KLB: variants seen among roughly 807,000 people sequenced by gnomAD.
The protein encoded by KLB is beta-klotho.
A neutral mutation model predicts 88.4 loss-of-function variants in KLB; 44 were observed. The observed-to-expected ratio is 0.50, with a 90% CI of 0.39 to 0.64. The LOEUF is 0.64. Among genes scored for constraint, KLB ranks in the 30% least tolerant of loss-of-function variants. KLB has a pLI of 0.00. For missense variants in KLB, 1,137 were observed against 1,304.8 expected, an observed-to-expected ratio of 0.87 and a Z score of 1.98; for synonymous variants, 548 against 513.4, an observed-to-expected ratio of 1.07 and a Z score of -0.91.
In KLB at chr4:39,447,217, G is replaced by C. The variant is rs377554151; in HGVS notation, c.2491G>C (p.Val831Leu). 1 of 1,614,054 alleles carries C rather than the reference G, an allele frequency of 6.2e-7. No individual in the cohort carries two copies. Among genetic ancestry groups the C allele is most frequent in the Admixed American group, 1.7e-5 (1 of 60,028 alleles). ...GCTCAACCACTTCACCACTAGGTTC[G>C]TGATGCACGAGCAGCTGGCCGGCAG... ...CALNHFTTRF[V>L]MHEQLAGSRY... Residue 831 changes from valine to leucine, a missense_variant, in exon 4 of 5, where the codon GTG (valine) becomes CTG (leucine). This residue lies in a region of KLB where 426 missense variants were observed against 404.6 expected (regional missense o/e 1.05). Coordinates refer to ENST00000257408, the MANE Select transcript of KLB (RefSeq NM_175737.4).
intron 1 of KLB, among the ~76,000 whole-genome samples, chr4:39,413,190 G>A (rs1431770175): frequency 1.3e-5 from 2 of 152,120 alleles, no homozygotes; most frequent in African/African-American, 4.8e-5. Context: ...TTCAATCCCA[G>A]AAATGTATTT....
Position 39,446,586 on chromosome 4 carries a change from GAGGTACTAC to G in KLB, c.1865_1873del (p.Tyr622_Arg624del). ...TGTCCGCGGTGAACCGACAGGCCCT[GAGGTACTAC>G]AGGTGCGTGGTCAGTGAGGGGCTGA... On this transcript the variant is annotated inframe_deletion, in exon 4 of 5. Coordinates refer to ENST00000257408, the MANE Select transcript of KLB (RefSeq NM_175737.4). This position sits in a 1 kb window ranked among gnomAD's most constrained non-coding sequence, Gnocchi z 6.4. The G allele has an allele frequency of 6.2e-7, 1 of 1,614,258 alleles. No individual in the cohort carries two copies. The highest frequency in any genetic ancestry group is 8.5e-7 in the Non-Finnish European group (1 of 1,180,044).
chr4:39,427,730 T>G (rs1224081881), intron 1 of KLB, among the ~76,000 whole-genome samples: 1 of 152,236 alleles, frequency 6.6e-6, no homozygotes, highest in East Asian at 1.9e-4. Context: ...TAAATTATTT[T>G]CAGCTTGCTC....
chr4:39,437,598 C>T lies in KLB; in HGVS notation c.1337-129C>T, dbSNP rs1406810848. 5 of 1,054,868 alleles carry T rather than the reference C, an allele frequency of 4.7e-6. No individual in the cohort carries two copies. In the East Asian group the frequency reaches 1.2e-4, roughly 25 times the overall value. 65.3% of individuals were successfully genotyped at this position (1,054,868 alleles called of 1,614,324 possible). A position where few individuals can be genotyped will look rare whatever the true frequency, so the allele number is the denominator to read the frequency against. Reference sequence around the variant, plus strand: ...ATAAACATGAATTTTCTATTTGATACAGCAGACCTGAAAATTAGGGCAAAG... The same window carrying T: ...ATAAACATGAATTTTCTATTTGATATAGCAGACCTGAAAATTAGGGCAAAG... On this transcript the variant is annotated intron_variant, in intron 2 of 4. Transcript: ENST00000257408.
At chr4:39,409,128 C>A (rs920091432) in intron 1 of KLB, among the ~76,000 whole-genome samples, 27 of 151,758 alleles carry the variant, frequency 1.8e-4, no homozygotes, top group African/African-American at 6.3e-4. Context: ...AGGTCATTTG[C>A]ATATCTTTGA....
At chr4:39,442,985 G>T (rs192167789) in intron 3 of KLB, among the ~76,000 whole-genome samples, 1 of 152,076 alleles carries the variant, frequency 6.6e-6, no homozygotes. Flanking sequence ...GTCATGTATT[G>T]TTAGCTTCCT....
intron 1 of KLB, among the ~76,000 whole-genome samples, chr4:39,422,432 T>C (rs1377852520): frequency 2.0e-5 from 3 of 152,128 alleles, no homozygotes; most frequent in African/African-American, 4.8e-5. Context: ...CTGATTCACC[T>C]TGTGCAAGTT....
In KLB at chr4:39,434,598, T is replaced by C. The variant is rs1743430662; in HGVS notation, c.1214T>C (p.Leu405Pro). Residue 405 changes from leucine to proline, a missense_variant, in exon 2 of 5, where the codon CTG (leucine) becomes CCG (proline). This residue lies in a region of KLB where 597 missense variants were observed against 765.2 expected (regional missense o/e 0.78). Transcript: ENST00000257408. ...AGAGAAGCGCTGAACTGGATTAAAC[T>C]GGAATACAACAACCCTCGAATCTTG... ...NLREALNWIK[L>P]EYNNPRILIA... 1.2e-6 allele frequency: 2 copies of C among 1,614,044 alleles called. No individual in the cohort carries two copies. The highest frequency in any genetic ancestry group is 1.7e-6 in the Non-Finnish European group (2 of 1,180,040).
At chr4:39,424,175 A>G (rs1226243011) in intron 1 of KLB, among the ~76,000 whole-genome samples, 3 of 151,480 alleles carry the variant, frequency 2.0e-5, no homozygotes, top group African/African-American at 7.3e-5. Flanking sequence ...GGCTCAGGTG[A>G]TCCTCCCACC....
chr4:39,448,284 TTTC>T lies in KLB; in HGVS notation c.2750-14_2750-12del, dbSNP rs754485262. The T allele has an allele frequency of 2.0e-5, 30 of 1,531,680 alleles. No homozygotes were observed. In the Admixed American group the frequency reaches 5.3e-4, roughly 27 times the overall value. 94.9% of individuals were successfully genotyped at this position (1,531,680 alleles called of 1,614,324 possible). A position where few individuals can be genotyped will look rare whatever the true frequency, so the allele number is the denominator to read the frequency against. ...ATAGTCCATTTGTGATTAATGTTAATTTCTTATCTTTTTCAGCATACCTGATTG... is the reference window on the plus strand; with the variant it reads ...ATAGTCCATTTGTGATTAATGTTAATTTATCTTTTTCAGCATACCTGATTG... On this transcript the variant is annotated splice_polypyrimidine_tract_variant and intron_variant, in intron 4 of 4. Transcript: ENST00000257408.
intron 1 of KLB, among the ~76,000 whole-genome samples, chr4:39,414,072 C>T (rs1742915660): frequency 1.3e-5 from 2 of 152,042 alleles, no homozygotes. Context: ...TGCCAAATGT[C>T]CCCAGGAAGT....
At chr4:39,416,913 T>C (rs958261005) in intron 1 of KLB, among the ~76,000 whole-genome samples, 16 of 152,170 alleles carry the variant, frequency 1.1e-4, no homozygotes, top group African/African-American at 3.9e-4. Flanking sequence ...CAGTGTTTCT[T>C]AGGCACATTT....
intron 1 of KLB, among the ~76,000 whole-genome samples, chr4:39,430,729 T>C (rs1743339626): frequency 6.7e-6 from 1 of 150,346 alleles, no homozygotes; most frequent in African/African-American, 2.5e-5. Context: ...GGCTCCTGAG[T>C]AGCTGGGACT....
At chr4:39,434,815 T>C (rs1578210510) in intron 2 of KLB, 95 bp downstream of exon 2, 3 of 1,000,710 alleles carry the variant, frequency 3.0e-6, no homozygotes, top group East Asian at 2.6e-5. Flanking sequence ...TGTTGGGCTT[T>C]TTTTTTTTTG....
chr4:39,447,590 G>A, intron 4 of KLB, 115 bp downstream of exon 4: 1 of 848,790 alleles, frequency 1.2e-6, no homozygotes, highest in Non-Finnish European at 1.7e-6. Flanking sequence ...TGGCACCCAA[G>A]TCCTGTCAAT....
In KLB at chr4:39,447,315, T is replaced by G; in HGVS notation, c.2589T>G (p.Ala863=). ...GCCTGAGCTCCCCCACGCGCCTGGC[T>G]GTGATTCCCTGGGGGGTGCGCAAGC... ...ITRLSSPTRL[A]VIPWGVRKLL... is the part of the protein sequence containing the mutation. Residue 863 remains alanine (A), a synonymous_variant, in exon 4 of 5, where the codon GCT becomes GCG. Coordinates refer to ENST00000257408, the MANE Select transcript of KLB (RefSeq NM_175737.4). 6.2e-7 allele frequency: 1 copy of G among 1,614,110 alleles called. No homozygotes were observed. Among genetic ancestry groups the G allele is most frequent in the South Asian group, 1.1e-5 (1 of 91,080 alleles).
At chr4:39,426,788 A>T (rs1438196115) in intron 1 of KLB, among the ~76,000 whole-genome samples, 3 of 151,988 alleles carry the variant, frequency 2.0e-5, no homozygotes, top group Non-Finnish European at 4.4e-5. Flanking sequence ...CCTGTGCTCA[A>T]GCAATCCTTC....
At chr4:39,434,052 A>G (rs1205260679) in intron 1 of KLB, among the ~76,000 whole-genome samples, 158 bp from the exon 2 acceptor site, 1 of 152,164 alleles carries the variant, frequency 6.6e-6, no homozygotes, top group African/African-American at 2.4e-5. Flanking sequence ...CACTAGGGGC[A>G]TAGAGAACAG....
rs1742761085 is a variant in KLB, at chr4:39,407,705, A to C, written c.756A>C (p.Thr252=). 1.2e-6 allele frequency: 2 copies of C among 1,613,258 alleles called. No homozygotes were observed. The highest frequency in any genetic ancestry group is 1.3e-5 in the African/African-American group (1 of 74,930). ...PYLVAWHGYG[T]GMHAPGEKGN... is the part of the protein sequence containing the mutation. Reference sequence around the variant, plus strand: ...TAGTGGCTTGGCATGGGTATGGGACAGGTATGCATGCCCCTGGAGAGAAGG... The same window carrying C: ...TAGTGGCTTGGCATGGGTATGGGACCGGTATGCATGCCCCTGGAGAGAAGG... The change falls in exon 1 of 5, where the codon ACA becomes ACC. Residue 252 remains threonine (T), a synonymous_variant. Coordinates refer to ENST00000257408, the MANE Select transcript of KLB (RefSeq NM_175737.4).
Sources: gnomAD v4.1 joint callset for allele counts (sites outside exome capture counted in the v4.1 genomes callset) on GRCh38, gnomAD v4.1.1 for gene constraint, gnomAD v4.1.1 regional missense constraint, Gnocchi (gnomAD v3.1) non-coding constraint, MANE v1.5 for transcripts, NCBI Gene and HGNC (gene_info 2026-07-23, HGNC 2026-07-21) for gene names.